Variants in PRELID2 observed in about 807,000 individuals in gnomAD.
PRELID2 encodes the protein PRELI domain-containing protein 2.
PRELID2 carries 25 observed loss-of-function variants against 28.4 expected under a neutral mutation model. The ratio of observed to expected loss-of-function variants is 0.88; its 90% confidence interval spans 0.64 to 1.23. The LOEUF is 1.23. PRELID2 is among the 50% of genes most tolerant of loss of function. The pLI is 0.00. For synonymous variants in PRELID2, 76 were observed against 71.6 expected (o/e 1.06, Z -0.31); for missense variants, 201 against 214.4 (o/e 0.94, Z 0.39).
intron 1 of PRELID2, among the ~76,000 whole-genome samples, chr5:145,607,446 C>T (rs575408139): frequency 4.4e-4 from 67 of 152,162 alleles, no homozygotes; most frequent in African/African-American, 1.6e-3. Context: ...TATGTTGTAT[C>T]GTTGTTCTCA....
chr5:145,380,061 C>T, the PRELID2 span, among the ~76,000 whole-genome samples: 2 of 152,182 alleles, frequency 1.3e-5, no homozygotes, highest in Non-Finnish European at 2.9e-5. Context: ...TGGCCATGCT[C>T]CTGCACCAAA....
the PRELID2 span, among the ~76,000 whole-genome samples, chr5:145,281,472 C>A: frequency 5.9e-5 from 9 of 152,196 alleles, no homozygotes; most frequent in East Asian, 5.8e-4. Context: ...CATGCTAGAA[C>A]TCCTACACTT....
chr5:145,246,050 T>C, the PRELID2 span, among the ~76,000 whole-genome samples: 1 of 152,046 alleles, frequency 6.6e-6, no homozygotes, highest in Non-Finnish European at 1.5e-5. Context: ...TACAAGGACC[T>C]TGAACTGAGG....
intron 5 of PRELID2, among the ~76,000 whole-genome samples, chr5:145,791,005 C>T (rs1752354268): frequency 6.6e-6 from 1 of 151,490 alleles, no homozygotes. Context: ...AGAAGCAACC[C>T]AACAATCCAC....
chr5:145,576,694 G>T (rs1054066751), intron 1 of PRELID2, among the ~76,000 whole-genome samples: 1 of 147,846 alleles, frequency 6.8e-6, no homozygotes, highest in African/African-American at 2.5e-5. Flanking sequence ...AAAAAAAGAT[G>T]CAGTTTGTTA....
chr5:145,425,349 A>C, the PRELID2 span, among the ~76,000 whole-genome samples: 1 of 152,226 alleles, frequency 6.6e-6, no homozygotes, highest in Non-Finnish European at 1.5e-5. Context: ...CAGTATGGTG[A>C]TTCCTCAAAG....
the PRELID2 span, among the ~76,000 whole-genome samples, chr5:145,319,324 C>T: frequency 2.0e-5 from 3 of 152,102 alleles, no homozygotes; most frequent in Admixed American, 6.5e-5. Flanking sequence ...GTCCACCCCT[C>T]CTATTCCCGA....
the PRELID2 span, among the ~76,000 whole-genome samples, chr5:145,285,626 C>G: frequency 7.2e-5 from 11 of 152,134 alleles, no homozygotes; most frequent in Admixed American, 3.3e-4. Flanking sequence ...AGAGCTCCAG[C>G]AAGAAAACAA....
chr5:145,768,380 T>C (rs1009480894), intron 5 of PRELID2, among the ~76,000 whole-genome samples: 1 of 152,098 alleles, frequency 6.6e-6, no homozygotes, highest in African/African-American at 2.4e-5. Flanking sequence ...AGTTAACAAA[T>C]ATGTACTATG....
intron 1 of PRELID2, among the ~76,000 whole-genome samples, chr5:145,578,583 C>T (rs947811620): frequency 6.6e-6 from 1 of 152,100 alleles, no homozygotes; most frequent in Non-Finnish European, 1.5e-5. Flanking sequence ...CTGGAGAAAG[C>T]ATTTTGGGTG....
intron 1 of PRELID2, among the ~76,000 whole-genome samples, chr5:145,533,673 A>T (rs2126664003): frequency 6.6e-6 from 1 of 152,202 alleles, no homozygotes; most frequent in South Asian, 2.1e-4. Flanking sequence ...GAGCCAGCAT[A>T]TATATTTCCC....
chr5:145,765,051 C>A (rs1182995493), intron 5 of PRELID2, 51 bp from the exon 6 acceptor site: 2 of 1,264,208 alleles, frequency 1.6e-6, no homozygotes, highest in East Asian at 2.4e-5. Flanking sequence ...CAGACAAGTA[C>A]TTTTACATTT....
At chr5:145,728,294 G>C (rs1283039624) in intron 1 of PRELID2, 6 of 272,400 alleles carry the variant, frequency 2.2e-5, no homozygotes, top group Middle Eastern at 9.8e-4. Flanking sequence ...GTTAGTTCCT[G>C]TGAGTTCCTG....
the PRELID2 span, among the ~76,000 whole-genome samples, chr5:145,318,565 C>T: frequency 2.0e-5 from 3 of 152,224 alleles, no homozygotes; most frequent in Non-Finnish European, 4.4e-5. Flanking sequence ...TGGCCCCCCT[C>T]ACAAGATGTG....
At chr5:145,344,165 G>C in the PRELID2 span, among the ~76,000 whole-genome samples, 1 of 151,966 alleles carries the variant, frequency 6.6e-6, no homozygotes, top group Non-Finnish European at 1.5e-5. Context: ...TACAAGGCCA[G>C]CATAACCATT....
chr5:145,404,788 C>A, the PRELID2 span, among the ~76,000 whole-genome samples: 1 of 152,156 alleles, frequency 6.6e-6, no homozygotes, highest in East Asian at 1.9e-4. Flanking sequence ...AAGTGAGAAA[C>A]CTAATGAAAG....
chr5:145,410,711 G>A, the PRELID2 span, among the ~76,000 whole-genome samples: 1 of 152,008 alleles, frequency 6.6e-6, no homozygotes, highest in South Asian at 2.1e-4. Flanking sequence ...CTTGACACAT[G>A]GGAATTATCA....
chr5:145,821,146 C>G (rs897144171), intron 2 of PRELID2, among the ~76,000 whole-genome samples: 1 of 35,202 alleles, frequency 2.8e-5, no homozygotes, highest in African/African-American at 7.8e-5. Context: ...TCATCCAACT[C>G]TCCTGGGTGT....
chr5:145,247,407 G>C, the PRELID2 span, among the ~76,000 whole-genome samples: 1 of 152,132 alleles, frequency 6.6e-6, no homozygotes, highest in Non-Finnish European at 1.5e-5. Flanking sequence ...CTAGGCAGCA[G>C]GCAAGGTGAA....
Sources: allele counts gnomAD v4.1 joint callset (sites outside exome capture counted in the v4.1 genomes callset), GRCh38; gene constraint gnomAD v4.1.1; transcripts MANE v1.5; gene names NCBI Gene and HGNC (gene_info 2026-07-23, HGNC 2026-07-21).